CLEC16A: variants seen among roughly 807,000 people sequenced by gnomAD.
CLEC16A encodes protein CLEC16A.
CLEC16A carries 51 observed loss-of-function variants against 109.5 expected under a neutral mutation model. The observed-to-expected ratio is 0.47, with a 90% CI of 0.37 to 0.59. The LOEUF is 0.59. Among genes scored for constraint, CLEC16A ranks in the 20% least tolerant of loss-of-function variants. The pLI is 0.00. For synonymous variants in CLEC16A, 673 were observed against 564.2 expected, an observed-to-expected ratio of 1.19 and a Z score of -2.73; for missense variants, 1,339 against 1,394.0, an observed-to-expected ratio of 0.96 and a Z score of 0.63.
chr16:11,117,159 G>A (rs1034017134), intron 19 of CLEC16A, among the ~76,000 whole-genome samples: 15 of 152,328 alleles, frequency 9.8e-5, no homozygotes, highest in African/African-American at 3.4e-4. Context: ...GGCAGCGATA[G>A]ACACTGTGTA....
rs1293682925 is a variant in CLEC16A, at chr16:11,174,088, C to T, written c.2807-4247C>T. On this transcript the variant is annotated intron_variant, in intron 23 of 23. Coordinates refer to ENST00000409790, the MANE Select transcript of CLEC16A (RefSeq NM_015226.3). The surrounding 1 kb of genome is among the most constrained non-coding windows in gnomAD (Gnocchi z 4.7). ...CGTCCGCTGCTGCTCAGTGTCCCCT[C>T]CATGTCGCCTCTGCCGTCCCATTGT... The T allele has an allele frequency of 2.3e-6, 1 of 439,070 alleles. No individual in the cohort carries two copies. The highest frequency in any genetic ancestry group is 4.8e-6 in the Non-Finnish European group (1 of 208,174). The allele number at this position is 439,070 out of a possible 1,614,324, so 27.2% of individuals were successfully genotyped here. A position where few individuals can be genotyped will look rare whatever the true frequency, so the allele number is the denominator to read the frequency against.
intron 19 of CLEC16A, among the ~76,000 whole-genome samples, chr16:11,078,006 TGTG>T (rs1215514493): frequency 8.7e-5 from 13 of 149,070 alleles, no homozygotes; most frequent in Non-Finnish European, 1.8e-4. Flanking sequence ...TGTGTGTGTG[TGTG>T]TTTAGAGAAA....
intron 22 of CLEC16A, among the ~76,000 whole-genome samples, chr16:11,144,166 A>C (rs1478025905): frequency 2.0e-5 from 3 of 152,142 alleles, no homozygotes; most frequent in African/African-American, 4.8e-5. Flanking sequence ...CCTTAGAGTG[A>C]ATACATCTCT....
At chr16:11,092,361 AACACACACACACACACACACAC>A (rs3030566) in intron 19 of CLEC16A, among the ~76,000 whole-genome samples, 54 of 132,436 alleles carry the variant, frequency 4.1e-4, no homozygotes, top group Non-Finnish European at 2.1e-4. Context: ...AACAAAAACA[AACACACACACACACACACACAC>A]ACACACACAC....
At chr16:11,042,112 A>G (rs2047368735) in intron 14 of CLEC16A, 142 bp from the exon 15 acceptor site, 3 of 618,226 alleles carry the variant, frequency 4.9e-6, no homozygotes, top group Non-Finnish European at 5.8e-6. Flanking sequence ...GGGGGTTCCC[A>G]CTGTGTCCCC....
At chr16:11,070,369 CTTT>C (rs770922338) in intron 19 of CLEC16A, among the ~76,000 whole-genome samples, 2 of 142,540 alleles carry the variant, frequency 1.4e-5, no homozygotes, top group Non-Finnish European at 3.1e-5. Flanking sequence ...TGCACCCGGC[CTTT>C]TTTTTTTTTT....
intron 19 of CLEC16A, among the ~76,000 whole-genome samples, chr16:11,080,440 C>A (rs149791424): frequency 6.6e-6 from 1 of 152,304 alleles, no homozygotes; most frequent in Non-Finnish European, 1.5e-5. Flanking sequence ...TGGGGAAGGG[C>A]CTTCCAGGCA....
intron 1 of CLEC16A, among the ~76,000 whole-genome samples, chr16:10,950,518 A>G (rs1022880148): frequency 6.6e-6 from 1 of 152,230 alleles, no homozygotes; most frequent in African/African-American, 2.4e-5. Context: ...TCCCCGGCCC[A>G]GCCTCACTTG....
rs187773992 is a variant in CLEC16A at position 10,945,093 on chromosome 16, G to C, written c.80+296G>C. On this transcript the variant is annotated intron_variant, in intron 1 of 23. Transcript: ENST00000409790. Reference sequence around the variant, plus strand: ...TATGGACACAGACTTTGTTCTTGACGGTGTCCACCAAGTTTCCTGGCGGGG... The same window carrying C: ...TATGGACACAGACTTTGTTCTTGACCGTGTCCACCAAGTTTCCTGGCGGGG... 2.9e-4 allele frequency among the ~76,000 whole-genome samples: 44 copies of C among 152,308 alleles called. No individual in the cohort carries two copies. The East Asian group carries it at 8.3e-3, about 29-fold the overall frequency.
Position 10,982,915 on chromosome 16 carries a change from C to A in CLEC16A, c.995C>A (p.Ser332Ter). Residue 332 changes from serine (S) to a stop codon, truncating the protein, a stop_gained, in exon 10 of 24, where the codon TCG (serine) becomes TAG (stop). Transcript: ENST00000409790. LOFTEE classifies it high-confidence loss of function. ...LIIHHAPLVNSLAEVILNGDL... is the reference protein window; with the variant it reads ...LIIHHAPLVN ...ATACATCATGCACCGCTGGTGAACT[C>A]GTTAGCTGAAGTCATTCTGAATGGT... The A allele has an allele frequency of 6.2e-7, 1 of 1,612,082 alleles. No homozygotes were observed. The highest frequency in any genetic ancestry group is 2.2e-5 in the East Asian group (1 of 44,874).
Position 10,944,748 on chromosome 16 carries a change from G to C in CLEC16A, c.31G>C (p.Gly11Arg). The C allele has an allele frequency of 1.2e-6, 2 of 1,609,422 alleles. No individual in the cohort carries two copies. The highest frequency in any genetic ancestry group is 1.7e-6 in the Non-Finnish European group (2 of 1,178,730). The change falls in exon 1 of 24, where the codon GGG becomes CGG. Residue 11 changes from glycine to arginine, a missense_variant. By Grantham distance (125) the Gly-to-Arg change is moderately radical. This residue lies in a region of CLEC16A where 117 missense variants were observed against 120.2 expected (regional missense o/e 0.97). Coordinates refer to ENST00000409790, the MANE Select transcript of CLEC16A (RefSeq NM_015226.3). MFGRSRSWVG[G>R]GHGKTSRNIH... ...TGGCCGCTCGCGGAGCTGGGTGGGC[G>C]GGGGCCATGGCAAGACTTCCCGCAA...
chr16:10,993,478 C>T (rs2044154964), intron 10 of CLEC16A, among the ~76,000 whole-genome samples: 1 of 152,180 alleles, frequency 6.6e-6, no homozygotes. Context: ...GTCACACGCT[C>T]CCCATAAGGA....
chr16:11,111,466 C>T (rs1041814582), intron 19 of CLEC16A, among the ~76,000 whole-genome samples: 3 of 152,134 alleles, frequency 2.0e-5, no homozygotes, highest in African/African-American at 7.2e-5. Context: ...TCCATTGGTA[C>T]TCTTTTGGTC....
chr16:11,149,943 G>C (rs1164576221), intron 22 of CLEC16A: 4 of 152,234 alleles, frequency 2.6e-5, no homozygotes, highest in Admixed American at 2.0e-4. Context: ...ACAGAACAGA[G>C]CCACCACCCC....
chr16:11,076,784 C>A (rs2049399067), intron 19 of CLEC16A, among the ~76,000 whole-genome samples: 2 of 152,166 alleles, frequency 1.3e-5, no homozygotes, highest in South Asian at 4.1e-4. Flanking sequence ...GCCAATTGCC[C>A]CAGAGTCTGG....
At chr16:11,120,304 C>T (rs1347745234) in intron 19 of CLEC16A, among the ~76,000 whole-genome samples, 1 of 152,256 alleles carries the variant, frequency 6.6e-6, no homozygotes, top group Non-Finnish European at 1.5e-5. Flanking sequence ...GCTTGAGCAC[C>T]TAACATGCAG....
intron 19 of CLEC16A, among the ~76,000 whole-genome samples, chr16:11,064,181 G>A (rs2048641193): frequency 6.6e-6 from 1 of 152,154 alleles, no homozygotes; most frequent in Non-Finnish European, 1.5e-5. Flanking sequence ...TAAAGCAAAT[G>A]GAAGACATCA....
intron 19 of CLEC16A, among the ~76,000 whole-genome samples, chr16:11,074,676 G>C (rs1393665143): frequency 6.6e-6 from 1 of 152,164 alleles, no homozygotes; most frequent in East Asian, 1.9e-4. Flanking sequence ...GTTCTGCTGA[G>C]ATCACAAGGT....
chr16:11,160,637 C>T (rs953452191), intron 22 of CLEC16A, among the ~76,000 whole-genome samples: 1 of 152,172 alleles, frequency 6.6e-6, no homozygotes, highest in African/African-American at 2.4e-5. Context: ...AACTCACATC[C>T]CCGCATTAAC....
Sources: allele counts gnomAD v4.1 joint callset (sites outside exome capture counted in the v4.1 genomes callset), GRCh38; gene constraint gnomAD v4.1.1; regional missense constraint gnomAD v4.1.1; non-coding constraint Gnocchi (gnomAD v3.1); transcripts MANE v1.5; gene names NCBI Gene and HGNC (gene_info 2026-07-23, HGNC 2026-07-21).